The following EPS15L1 variants were observed in gnomAD, a reference collection of about 807,000 sequenced individuals.
EPS15L1 encodes the protein epidermal growth factor receptor pathway substrate 15 like 1.
EPS15L1 carries 43 observed loss-of-function variants against 117.1 expected under a neutral mutation model. That is an observed-to-expected ratio of 0.37 (90% CI 0.29 to 0.47). The LOEUF is 0.47. Ranked by LOEUF, EPS15L1 falls within the 20% of genes least tolerant of loss-of-function variation. EPS15L1 has a pLI of 0.99. For synonymous variants in EPS15L1, 459 were observed against 470.5 expected, an observed-to-expected ratio of 0.98 and a Z score of 0.32; for missense variants, 981 against 1,164.0, an observed-to-expected ratio of 0.84 and a Z score of 2.29.
At position 16,471,179 on chromosome 19, in the gene EPS15L1, A is replaced by T. The variant is rs1437186119; in HGVS notation, c.33+734T>A. ...TCTAGTTCCCACGAGTGTCACCTCCAGGAAAGCAGCGACCTTGTCTGTCTG... is the reference window on the plus strand; with the variant it reads ...TCTAGTTCCCACGAGTGTCACCTCCTGGAAAGCAGCGACCTTGTCTGTCTG... On this transcript the variant is annotated intron_variant, in intron 1 of 23. Transcript: ENST00000455140. The surrounding 1 kb of genome is among the most constrained non-coding windows in gnomAD (Gnocchi z 4.8). Among the ~76,000 whole-genome samples the T allele has an allele frequency of 6.6e-6, 1 of 152,230 alleles. No homozygotes were observed. The highest frequency in any genetic ancestry group is 1.5e-5 in the Non-Finnish European group (1 of 68,036).
In EPS15L1 at chr19:16,404,357, G is replaced by A. The variant is rs190480618; in HGVS notation, c.1428+231C>T. Among the ~76,000 whole-genome samples the A allele has an allele frequency of 5.1e-4, 78 of 152,240 alleles. No homozygotes were observed. In the East Asian group the frequency reaches 0.012, roughly 23 times the overall value. The stretch of plus-strand genomic sequence containing the variant: ...TGGGGTGTGTTCAGGGCACAAGTTC[G>A]CAGGGACCAAGGCCATTCACTTATA... On this transcript the variant is annotated intron_variant, in intron 14 of 23. Coordinates refer to ENST00000455140, the MANE Select transcript of EPS15L1 (RefSeq NM_001258374.3). The surrounding 1 kb of genome is among the most constrained non-coding windows in gnomAD (Gnocchi z 4.2).
At chr19:16,393,849 C>T (rs2092510651) in intron 18 of EPS15L1, 102 bp downstream of exon 18, 1 of 1,172,444 alleles carries the variant, frequency 8.5e-7, no homozygotes, top group Middle Eastern at 2.1e-4. Context: ...AGTTACATGG[C>T]TGCCATCCCC....
chr19:16,437,079 C>G (rs760761681), intron 5 of EPS15L1, 80 bp from the exon 6 acceptor site: 4 of 1,243,692 alleles, frequency 3.2e-6, no homozygotes, highest in Non-Finnish European at 4.7e-6. Flanking sequence ...AAAGGATACA[C>G]GTTTCAAAGT....
chr19:16,374,217 T>C (rs1015168200), intron 22 of EPS15L1, among the ~76,000 whole-genome samples: 1 of 152,120 alleles, frequency 6.6e-6, no homozygotes, highest in African/African-American at 2.4e-5. Context: ...GAAATGGGCA[T>C]GGCCTGGCCT....
chr19:16,414,260 G>T (rs192544341), intron 12 of EPS15L1, among the ~76,000 whole-genome samples: 1 of 152,074 alleles, frequency 6.6e-6, no homozygotes, highest in Non-Finnish European at 1.5e-5. Context: ...ACCCCCAGCC[G>T]CAGGGAAATG....
intron 20 of EPS15L1, 31 bp from the exon 21 acceptor site, chr19:16,385,242 C>T (rs2092407806): frequency 6.3e-7 from 1 of 1,592,384 alleles, no homozygotes; most frequent in South Asian, 1.1e-5. Context: ...GTCAGAGTTA[C>T]AGGTCTTTAA....
rs1157993013 is a variant in EPS15L1, at chr19:16,418,045, A to T, written c.1010T>A (p.Met337Lys). 6.2e-7 allele frequency: 1 copy of T among 1,614,210 alleles called. No homozygotes were observed. Among genetic ancestry groups the T allele is most frequent in the East Asian group, 2.2e-5 (1 of 44,882 alleles). ...KLSKDQFALA[M>K]YFIQQKVSKG... ...ACTGACCTTCTGCTGAATGAAATAC[A>T]TAGCTAACGCGAATTGGTCTTTGCT... The change falls in exon 11 of 24, where the codon ATG (methionine) becomes AAG (lysine). Residue 337 changes from methionine to lysine, a missense_variant. Physicochemically the swap from Met to Lys is moderately conservative, Grantham distance 95. Around this residue, in one of 5 missense-constraint regions of EPS15L1, gnomAD observed 819 missense variants for 949.0 expected, o/e 0.86. Transcript: ENST00000455140.
rs186719562 is a variant in EPS15L1, at chr19:16,402,174, G to A, written c.1791+147C>T. 5,455 of 1,440,070 alleles carry A rather than the reference G, an allele frequency of 3.8e-3. 11 individuals carry two copies. Among genetic ancestry groups the A allele is most frequent in the Non-Finnish European group, 4.4e-3 (4,801 of 1,097,362 alleles). 89.2% of individuals were successfully genotyped at this position (1,440,070 alleles called of 1,614,324 possible). On this transcript the variant is annotated intron_variant, in intron 16 of 23. Coordinates refer to ENST00000455140, the MANE Select transcript of EPS15L1 (RefSeq NM_001258374.3). ...CCAGGCTGCAAGGCCTGGTGTGAAC[G>A]CGCAAAGTGGCAGCAAAAACAACAG...
chr19:16,417,971 AAGGC>A lies in EPS15L1; in HGVS notation c.1080_1083del (p.Pro361ArgfsTer22). The A allele has an allele frequency of 6.2e-7, 1 of 1,613,928 alleles. No individual in the cohort carries two copies. The highest frequency in any genetic ancestry group is 8.5e-7 in the Non-Finnish European group (1 of 1,179,958). On this transcript the variant is annotated frameshift_variant, in exon 11 of 24. Coordinates refer to ENST00000455140, the MANE Select transcript of EPS15L1 (RefSeq NM_001258374.3). LOFTEE classifies it high-confidence loss of function. ...ACCGGGCCGGGCGTGCCTCTCTCCG[AAGGC>A]GGGACCATGTCCGGCGAGAGGACTT...
At chr19:16,391,146 G>C (rs1381063429) in intron 19 of EPS15L1, among the ~76,000 whole-genome samples, 2 of 152,102 alleles carry the variant, frequency 1.3e-5, no homozygotes, top group African/African-American at 4.8e-5. Flanking sequence ...TAAAATTAAT[G>C]AATGAAGCTT....
At chr19:16,364,249 G>A (rs2092100935) in intron 22 of EPS15L1, among the ~76,000 whole-genome samples, 1 of 152,226 alleles carries the variant, frequency 6.6e-6, no homozygotes, top group Non-Finnish European at 1.5e-5. Context: ...CAATCTGGAA[G>A]GGGCCTATCT....
intron 22 of EPS15L1, among the ~76,000 whole-genome samples, chr19:16,364,378 G>T (rs1465322271): frequency 2.0e-5 from 3 of 152,270 alleles, no homozygotes; most frequent in East Asian, 3.9e-4. Flanking sequence ...GCCCTCTCAG[G>T]GCAGTCCCCA....
rs2092488402 is a variant in EPS15L1, at chr19:16,392,495, C to T, written c.1967-55G>A. The T allele has an allele frequency of 3.4e-6, 5 of 1,490,106 alleles. No homozygotes were observed. In the South Asian group the frequency reaches 4.6e-5, roughly 14 times the overall value. 92.3% of individuals were successfully genotyped at this position (1,490,106 alleles called of 1,614,324 possible). A position where few individuals can be genotyped will look rare whatever the true frequency, so the allele number is the denominator to read the frequency against. On this transcript the variant is annotated intron_variant, in intron 18 of 23. Coordinates refer to ENST00000455140, the MANE Select transcript of EPS15L1 (RefSeq NM_001258374.3). The stretch of plus-strand genomic sequence containing the variant: ...ATTATACCAAGTGAAAGAACCCAGA[C>T]ATAAAAGAACACATCACAGAATGAT...
In EPS15L1 at chr19:16,404,252, G is replaced by T. The variant is rs529580727; in HGVS notation, c.1429-322C>A. On this transcript the variant is annotated intron_variant, in intron 14 of 23. Transcript: ENST00000455140. This position sits in a 1 kb window ranked among gnomAD's most constrained non-coding sequence, Gnocchi z 4.2. ...AGTTTTCTGAGGTTGCAGCCTCCGGGATCTGTGAGGAGCCTCAGAGACACC... is the reference window on the plus strand; with the variant it reads ...AGTTTTCTGAGGTTGCAGCCTCCGGTATCTGTGAGGAGCCTCAGAGACACC... Among the ~76,000 whole-genome samples the T allele has an allele frequency of 6.6e-6, 1 of 152,332 alleles. No individual in the cohort carries two copies. Among genetic ancestry groups the T allele is most frequent in the African/African-American group, 2.4e-5 (1 of 41,574 alleles).
chr19:16,359,735 G>A (rs1007817211), intron 23 of EPS15L1, among the ~76,000 whole-genome samples: 3 of 152,068 alleles, frequency 2.0e-5, no homozygotes, highest in South Asian at 2.1e-4. Flanking sequence ...GGTGGTGCGC[G>A]CCTGAGGTCC....
chr19:16,469,450 G>C (rs1049179795), intron 1 of EPS15L1, among the ~76,000 whole-genome samples: 2 of 152,152 alleles, frequency 1.3e-5, no homozygotes, highest in East Asian at 3.9e-4. Context: ...GCATTTCCAC[G>C]GAAGGCTTTT....
chr19:16,361,116 G>A (rs757953417), intron 23 of EPS15L1, among the ~76,000 whole-genome samples: 1 of 152,106 alleles, frequency 6.6e-6, no homozygotes, highest in Non-Finnish European at 1.5e-5. Flanking sequence ...CCAGGCTTTC[G>A]AAATCCCGAG....
At position 16,434,360 on chromosome 19, in the gene EPS15L1, C is replaced by T; in HGVS notation, c.498+5G>A. On this transcript the variant is annotated splice_donor_5th_base_variant and intron_variant, in intron 7 of 23. Coordinates refer to ENST00000455140, the MANE Select transcript of EPS15L1 (RefSeq NM_001258374.3). ...GCAGAAGAACCAAGCCCGTGGCCCA[C>T]TTACCCTGCCCAGGACATCAAGAGG... 1 of 1,613,434 alleles carries T rather than the reference C, an allele frequency of 6.2e-7. No homozygotes were observed. Among genetic ancestry groups the T allele is most frequent in the Non-Finnish European group, 8.5e-7 (1 of 1,179,748 alleles).
At chr19:16,431,130 T>G (rs2092923233) in intron 7 of EPS15L1, among the ~76,000 whole-genome samples, 1 of 151,618 alleles carries the variant, frequency 6.6e-6, no homozygotes, top group Admixed American at 6.6e-5. Flanking sequence ...TCCCAGCTAC[T>G]TGGGAGGCTG....
Sources: gnomAD v4.1 joint callset for allele counts (sites outside exome capture counted in the v4.1 genomes callset) on GRCh38, gnomAD v4.1.1 for gene constraint, gnomAD v4.1.1 regional missense constraint, Gnocchi (gnomAD v3.1) non-coding constraint, MANE v1.5 for transcripts, NCBI Gene and HGNC (gene_info 2026-07-23, HGNC 2026-07-21) for gene names.